The following ALG5 variants were observed in gnomAD, a reference collection of about 807,000 sequenced individuals.
The protein encoded by ALG5 is ALG5 dolichyl-phosphate beta-glucosyltransferase.
In ALG5, 26 loss-of-function variants were observed where a neutral mutation model predicts 51.8. The observed-to-expected ratio is 0.50, with a 90% CI of 0.37 to 0.70. The LOEUF (loss-of-function observed/expected upper bound fraction) is 0.70, where lower values mean the gene tolerates loss of function less well. Ranked by LOEUF, ALG5 falls within the 30% of genes least tolerant of loss-of-function variation. The probability of loss-of-function intolerance (pLI) is 0.00; values close to 1 mark genes in which losing one functional copy is unlikely to be tolerated. For synonymous variants in ALG5, 141 were observed against 136.1 expected (o/e 1.04, Z -0.25); for missense variants, 311 against 399.3 (o/e 0.78, Z 1.88).
chr13:36,977,394 G>GC (rs1181573953), intron 6 of ALG5, among the ~76,000 whole-genome samples: 1 of 152,138 alleles, frequency 6.6e-6, no homozygotes, highest in Non-Finnish European at 1.5e-5. Flanking sequence ...GCATGTGCCT[G>GC]TAGTCCTAGC....
chr13:36,975,930 A>C (rs1447591575), intron 6 of ALG5, among the ~76,000 whole-genome samples: 1 of 151,634 alleles, frequency 6.6e-6, no homozygotes, highest in Non-Finnish European at 1.5e-5. Flanking sequence ...CCAAGGCAGG[A>C]ACCACTGCAC....
chr13:36,959,406 A>T (rs1593659921), intron 8 of ALG5, among the ~76,000 whole-genome samples: 1 of 152,338 alleles, frequency 6.6e-6, no homozygotes, highest in African/African-American at 2.4e-5. Flanking sequence ...TGATTTAATT[A>T]TGCTACATTG....
intron 8 of ALG5, among the ~76,000 whole-genome samples, chr13:36,956,949 A>G: frequency 6.6e-6 from 1 of 152,164 alleles, no homozygotes; most frequent in African/African-American, 2.4e-5. Context: ...AAGCCCCAGT[A>G]CTAAGCAGAA....
At chr13:36,991,654 A>G (rs2059025992) in intron 4 of ALG5, among the ~76,000 whole-genome samples, 2 of 152,170 alleles carry the variant, frequency 1.3e-5, no homozygotes, top group Non-Finnish European at 2.9e-5. Flanking sequence ...TGGTCATGTC[A>G]CTAAGTTCTA....
At chr13:36,978,171 T>A (rs1228242348) in intron 6 of ALG5, among the ~76,000 whole-genome samples, 4 of 147,750 alleles carry the variant, frequency 2.7e-5, no homozygotes, top group Non-Finnish European at 4.5e-5. Context: ...TAGGCATGAG[T>A]CACTGCGCCC....
intron 6 of ALG5, among the ~76,000 whole-genome samples, chr13:36,981,722 G>A (rs1020527961): frequency 6.6e-6 from 1 of 152,204 alleles, no homozygotes; most frequent in African/African-American, 2.4e-5. Flanking sequence ...ATGTAATGTG[G>A]AAACCAAATC....
At chr13:36,959,712 A>T (rs1450933319) in intron 8 of ALG5, among the ~76,000 whole-genome samples, 1 of 152,148 alleles carries the variant, frequency 6.6e-6, no homozygotes, top group Admixed American at 6.5e-5. Context: ...ATTTTGAATG[A>T]CTATAATCCT....
chr13:36,996,567 C>T (rs2059051633), intron 1 of ALG5, among the ~76,000 whole-genome samples: 3 of 151,986 alleles, frequency 2.0e-5, no homozygotes, highest in Admixed American at 2.0e-4. Flanking sequence ...CCTCCCACTT[C>T]CCCCCTGCCA....
At chr13:36,977,356 G>A (rs1451794203) in intron 6 of ALG5, among the ~76,000 whole-genome samples, 2 of 152,080 alleles carry the variant, frequency 1.3e-5, no homozygotes, top group Non-Finnish European at 2.9e-5. Flanking sequence ...ATGACAGTTG[G>A]CTTTTAATAA....
chr13:36,972,494 GAAC>G (rs964153138), intron 6 of ALG5, among the ~76,000 whole-genome samples: 44 of 139,334 alleles, frequency 3.2e-4, no homozygotes, highest in African/African-American at 1.1e-3. Flanking sequence ...TCACATGTAC[GAAC>G]AATAATCACA....
intron 6 of ALG5, among the ~76,000 whole-genome samples, chr13:36,980,394 C>T (rs1255316837): frequency 6.6e-6 from 1 of 151,934 alleles, no homozygotes; most frequent in African/African-American, 2.4e-5. Context: ...GCTACGACAC[C>T]TGGCTAATTT....
chr13:36,999,043 A>T, intron 1 of ALG5, 192 bp downstream of exon 1: 7 of 446,204 alleles, frequency 1.6e-5, no homozygotes, highest in Non-Finnish European at 2.7e-5. Flanking sequence ...TAAGATTCCA[A>T]GGGAAAATTA....
chr13:36,973,529 T>C (rs1172171925), intron 6 of ALG5, among the ~76,000 whole-genome samples: 1 of 152,202 alleles, frequency 6.6e-6, no homozygotes, highest in Non-Finnish European at 1.5e-5. Flanking sequence ...AGAAATCATT[T>C]TGTAAATAAT....
intron 3 of ALG5, among the ~76,000 whole-genome samples, chr13:36,994,350 A>T (rs1341391289): frequency 6.6e-6 from 1 of 152,182 alleles, no homozygotes; most frequent in Non-Finnish European, 1.5e-5. Flanking sequence ...AACTCACTTA[A>T]TTCTTAATCC....
intron 6 of ALG5, among the ~76,000 whole-genome samples, chr13:36,975,056 C>A (rs1192825518): frequency 6.6e-6 from 1 of 152,120 alleles, no homozygotes; most frequent in Non-Finnish European, 1.5e-5. Context: ...ACTAAAAATA[C>A]AAAAATTAGC....
chr13:36,971,129 A>G (rs2058920912), intron 7 of ALG5, among the ~76,000 whole-genome samples: 1 of 152,122 alleles, frequency 6.6e-6, no homozygotes, highest in Admixed American at 6.6e-5. Context: ...TTGTTACTCT[A>G]GTTTTTCTAG....
chr13:36,967,228 A>C (rs2058898617), intron 7 of ALG5, among the ~76,000 whole-genome samples: 1 of 151,678 alleles, frequency 6.6e-6, no homozygotes, highest in African/African-American at 2.4e-5. Context: ...AACTCAAAAA[A>C]AAAAAAAAAG....
chr13:36,996,689 T>C (rs2138833617), intron 1 of ALG5, among the ~76,000 whole-genome samples: 1 of 152,314 alleles, frequency 6.6e-6, no homozygotes, highest in South Asian at 2.1e-4. Context: ...ATTTCAAAAA[T>C]TTGCCTTTTG....
intron 6 of ALG5, among the ~76,000 whole-genome samples, chr13:36,977,815 C>A (rs9635074): frequency 0.099 from 9,532 of 96,274 alleles, 2,631 homozygotes; most frequent in African/African-American, 0.18. Flanking sequence ...AAAAAAAAAA[C>A]AAAAACGGTG....
Sources: gnomAD v4.1 joint callset for allele counts (sites outside exome capture counted in the v4.1 genomes callset) on GRCh38, gnomAD v4.1.1 for gene constraint, MANE v1.5 for transcripts, NCBI Gene and HGNC (gene_info 2026-07-23, HGNC 2026-07-21) for gene names.